OR8H2: variants seen among roughly 807,000 people sequenced by gnomAD.
OR8H2 encodes the protein olfactory receptor 8H2.
For synonymous variants in OR8H2, 157 were observed against 139.2 expected (o/e 1.13, Z -0.90); for missense variants, 374 against 371.1 (o/e 1.01, Z -0.06).
In OR8H2 at chr11:56,106,534, C is replaced by T. The variant is rs1854057899; in HGVS notation, c.*553C>T. On this transcript the variant is annotated 3_prime_UTR_variant, in exon 2 of 2. Transcript: ENST00000313503. Reference sequence around the variant, plus strand: ...CCTAAGTGCACAAGATAAATAATAACTCCAAATCTGATCAGAGGGTAGTTG... The same window carrying T: ...CCTAAGTGCACAAGATAAATAATAATTCCAAATCTGATCAGAGGGTAGTTG... The T allele has an allele frequency of 6.6e-6, 1 of 152,300 alleles. No homozygotes were observed. Among genetic ancestry groups the T allele is most frequent in the Non-Finnish European group, 1.5e-5 (1 of 68,212 alleles). 9.4% of individuals were successfully genotyped at this position (152,300 alleles called of 1,614,324 possible). A position where few individuals can be genotyped will look rare whatever the true frequency, so the allele number is the denominator to read the frequency against.
rs769171741 is a variant in OR8H2, at chr11:56,106,530, A to G, written c.*549A>G. 2.0e-4 allele frequency: 30 copies of G among 152,528 alleles called. No homozygotes were observed. Among genetic ancestry groups the G allele is most frequent in the Non-Finnish European group, 3.2e-4 (22 of 68,312 alleles). The allele number at this position is 152,528 out of a possible 1,614,324, so 9.4% of individuals were successfully genotyped here. A position where few individuals can be genotyped will look rare whatever the true frequency, so the allele number is the denominator to read the frequency against. ...CTTCCCTAAGTGCACAAGATAAATA[A>G]TAACTCCAAATCTGATCAGAGGGTA... is the stretch of plus-strand genomic sequence containing the variant. On this transcript the variant is annotated 3_prime_UTR_variant, in exon 2 of 2. Transcript: ENST00000313503.
chr11:56,106,058 T>A lies in OR8H2; in HGVS notation c.*77T>A, dbSNP rs1246307067. ...GTTGGGTATTTTCTTAGTCTCTCTA[T>A]AAAAACAATTGAATCTTTTAATTTG... is the stretch of plus-strand genomic sequence containing the variant. On this transcript the variant is annotated 3_prime_UTR_variant, in exon 2 of 2. Coordinates refer to ENST00000313503, the MANE Select transcript of OR8H2 (RefSeq NM_001386064.1). 3 of 921,068 alleles carry A rather than the reference T, an allele frequency of 3.3e-6. No homozygotes were observed. Among genetic ancestry groups the A allele is most frequent in the Non-Finnish European group, 5.0e-6 (3 of 603,984 alleles). 57.1% of individuals were successfully genotyped at this position (921,068 alleles called of 1,614,324 possible). A position where few individuals can be genotyped will look rare whatever the true frequency, so the allele number is the denominator to read the frequency against.
At chr11:56,104,514 G>A (rs1197251647) in intron 1 of OR8H2, among the ~76,000 whole-genome samples, 1 of 152,044 alleles carries the variant, frequency 6.6e-6, no homozygotes, top group Non-Finnish European at 1.5e-5. Context: ...GAATAGATCC[G>A]ACTTTGAATA....
At position 56,104,982 on chromosome 11, in the gene OR8H2, G is replaced by A. The variant is rs771250548; in HGVS notation, c.-61G>A. The A allele has an allele frequency of 6.3e-6, 9 of 1,427,294 alleles. No homozygotes were observed. Among genetic ancestry groups the A allele is most frequent in the African/African-American group, 1.4e-5 (1 of 70,280 alleles). The allele number at this position is 1,427,294 out of a possible 1,614,324, so 88.4% of individuals were successfully genotyped here. ...CTGCCTCAGCTTCTCCAGTAGCTGG[G>A]ATTACAGGCGCCCCTGCTACGTATC... On this transcript the variant is annotated 5_prime_UTR_variant, in exon 2 of 2. Coordinates refer to ENST00000313503, the MANE Select transcript of OR8H2 (RefSeq NM_001386064.1).
In OR8H2 at chr11:56,107,234, A is replaced by G. The variant is rs944054889; in HGVS notation, c.*1253A>G. The G allele has an allele frequency of 6.6e-6, 1 of 151,946 alleles. No homozygotes were observed. The highest frequency in any genetic ancestry group is 1.5e-5 in the Non-Finnish European group (1 of 67,804). 9.4% of individuals were successfully genotyped at this position (151,946 alleles called of 1,614,324 possible). A position where few individuals can be genotyped will look rare whatever the true frequency, so the allele number is the denominator to read the frequency against. On this transcript the variant is annotated 3_prime_UTR_variant, in exon 2 of 2. Transcript: ENST00000313503. ...AAAACTTCAAAAACTGGATTTCTGT[A>G]ATGTGTCAAATGTGTCAAATTGCTT... is the stretch of plus-strand genomic sequence containing the variant.
intron 1 of OR8H2, among the ~76,000 whole-genome samples, chr11:56,104,330 A>G (rs1351289921): frequency 1.3e-5 from 2 of 152,154 alleles, no homozygotes; most frequent in Non-Finnish European, 2.9e-5. Context: ...TTATTATTAA[A>G]TAATATTGGA....
At position 56,105,940 on chromosome 11, in the gene OR8H2, G is replaced by T. The variant is rs141344505; in HGVS notation, c.898G>T (p.Ala300Ser). ...TCTTAGAAACAAAGAGGTGAAAAAT[G>T]CTGTCATCAGAGTCATGCAGAGAAG... ...YSLRNKEVKN[A>S]VIRVMQRRQD... is the part of the protein sequence containing the mutation. The change falls in exon 2 of 2, where the codon GCT becomes TCT. Residue 300 changes from alanine (A) to serine (S), a missense_variant. Coordinates refer to ENST00000313503, the MANE Select transcript of OR8H2 (RefSeq NM_001386064.1). 80 of 1,603,070 alleles carry T rather than the reference G, an allele frequency of 5.0e-5. No homozygotes were observed. In the African/African-American group the frequency reaches 9.8e-4, roughly 20 times the overall value.
Position 56,106,440 on chromosome 11 carries a change from G to C in OR8H2, c.*459G>C, listed in dbSNP as rs1854056849. Reference sequence around the variant, plus strand: ...TTGGAATAAAACTTCCCAAGAATTAGATTCTAAATATGCTACATTTTTAGC... The same window carrying C: ...TTGGAATAAAACTTCCCAAGAATTACATTCTAAATATGCTACATTTTTAGC... On this transcript the variant is annotated 3_prime_UTR_variant, in exon 2 of 2. Transcript: ENST00000313503. 6.5e-6 allele frequency: 1 copy of C among 152,860 alleles called. No individual in the cohort carries two copies. The highest frequency in any genetic ancestry group is 2.4e-5 in the African/African-American group (1 of 41,430). 9.5% of individuals were successfully genotyped at this position (152,860 alleles called of 1,614,324 possible). A position where few individuals can be genotyped will look rare whatever the true frequency, so the allele number is the denominator to read the frequency against.
At position 56,105,805 on chromosome 11, in the gene OR8H2, C is replaced by G; in HGVS notation, c.763C>G (p.Leu255Val). 2 of 1,613,752 alleles carry G rather than the reference C, an allele frequency of 1.2e-6. No individual in the cohort carries two copies. Among genetic ancestry groups the G allele is most frequent in the Non-Finnish European group, 1.7e-6 (2 of 1,179,794 alleles). The change falls in exon 2 of 2, where the codon CTG becomes GTG. Residue 255 changes from leucine to valine, a missense_variant. Physicochemically the swap from Leu to Val is conservative, Grantham distance 32. Coordinates refer to ENST00000313503, the MANE Select transcript of OR8H2 (RefSeq NM_001386064.1). Reference protein sequence around the residue: ...LLGVTIFYSTLIFTYLKPRKS... With the variant: ...LLGVTIFYSTVIFTYLKPRKS... ...GGGAGTCACCATCTTTTATAGCACT[C>G]TGATTTTTACTTATTTAAAACCAAG... is the stretch of plus-strand genomic sequence containing the variant.
In OR8H2 at chr11:56,105,611, C is replaced by T; in HGVS notation, c.569C>T (p.Thr190Ile). The T allele has an allele frequency of 1.2e-6, 2 of 1,614,162 alleles. No homozygotes were observed. The highest frequency in any genetic ancestry group is 1.7e-6 in the Non-Finnish European group (2 of 1,179,998). ...DTSPILALSCTDTYNTEILIF... is the reference protein window; with the variant it reads ...DTSPILALSCIDTYNTEILIF... ...TCCCCAATTTTAGCTCTGTCCTGCA[C>T]TGATACATACAACACCGAAATCCTG... The change falls in exon 2 of 2, where the codon ACT becomes ATT. Residue 190 changes from threonine to isoleucine, a missense_variant. Physicochemically the swap from Thr to Ile is moderately conservative, Grantham distance 89. Coordinates refer to ENST00000313503, the MANE Select transcript of OR8H2 (RefSeq NM_001386064.1).
At position 56,106,759 on chromosome 11, in the gene OR8H2, A is replaced by T. The variant is rs1469772559; in HGVS notation, c.*778A>T. 2.6e-5 allele frequency: 4 copies of T among 152,022 alleles called. No individual in the cohort carries two copies. The highest frequency in any genetic ancestry group is 6.6e-5 in the Admixed American group (1 of 15,258). 9.4% of individuals were successfully genotyped at this position (152,022 alleles called of 1,614,324 possible). On this transcript the variant is annotated 3_prime_UTR_variant, in exon 2 of 2. Transcript: ENST00000313503. The stretch of plus-strand genomic sequence containing the variant: ...GAAGCAAAATATTTCAGTAGAATTA[A>T]GTTATAGAAAAATAGCCTATATTAA...
chr11:56,107,511 A>G lies in OR8H2; in HGVS notation c.*1530A>G, dbSNP rs976799771. 3 of 151,858 alleles carry G rather than the reference A, an allele frequency of 2.0e-5. No individual in the cohort carries two copies. Among genetic ancestry groups the G allele is most frequent in the African/African-American group, 7.2e-5 (3 of 41,410 alleles). 9.4% of individuals were successfully genotyped at this position (151,858 alleles called of 1,614,324 possible). On this transcript the variant is annotated 3_prime_UTR_variant, in exon 2 of 2. Coordinates refer to ENST00000313503, the MANE Select transcript of OR8H2 (RefSeq NM_001386064.1). ...TTTTCTCTTCCATATCTGGAATCAC[A>G]GTTTTGTTTTTCTCTGCTATTTAAT... is the stretch of plus-strand genomic sequence containing the variant.
In OR8H2 at chr11:56,106,022, C is replaced by T; in HGVS notation, c.*41C>T. 1 of 1,195,026 alleles carries T rather than the reference C, an allele frequency of 8.4e-7. No homozygotes were observed. The highest frequency in any genetic ancestry group is 1.2e-6 in the Non-Finnish European group (1 of 844,028). 74.0% of individuals were successfully genotyped at this position (1,195,026 alleles called of 1,614,324 possible). A position where few individuals can be genotyped will look rare whatever the true frequency, so the allele number is the denominator to read the frequency against. On this transcript the variant is annotated 3_prime_UTR_variant, in exon 2 of 2. Coordinates refer to ENST00000313503, the MANE Select transcript of OR8H2 (RefSeq NM_001386064.1). ...TGCTGAACATTTAAACTCATCTTTT[C>T]TTTCATTCCTGTTGGGTATTTTCTT...
Position 56,105,536 on chromosome 11 carries a change from G to T in OR8H2, c.494G>T (p.Arg165Ile), listed in dbSNP as rs1165144059. The T allele has an allele frequency of 1.2e-6, 2 of 1,614,190 alleles. No homozygotes were observed. Among genetic ancestry groups the T allele is most frequent in the African/African-American group, 2.7e-5 (2 of 75,046 alleles). Residue 165 changes from arginine to isoleucine, a missense_variant, in exon 2 of 2, where the codon AGA becomes ATA. Transcript: ENST00000313503. ...DSFVNVVSMS[R>I]LHFYDSNVIH... ...TTTGTCAACGTGGTTTCCATGAGCAGATTGCATTTCTACGACTCAAACGTA... is the reference window on the plus strand; with the variant it reads ...TTTGTCAACGTGGTTTCCATGAGCATATTGCATTTCTACGACTCAAACGTA...
Position 56,105,716 on chromosome 11 carries a change from T to A in OR8H2, c.674T>A (p.Ile225Asn), listed in dbSNP as rs1042114562. 2 of 1,613,992 alleles carry A rather than the reference T, an allele frequency of 1.2e-6. No individual in the cohort carries two copies. The highest frequency in any genetic ancestry group is 1.3e-5 in the African/African-American group (1 of 74,944). ...SASYVFILFT[I>N]LKINSTSGKQ... is the part of the protein sequence containing the mutation. Reference sequence around the variant, plus strand: ...TCCTATGTGTTCATTCTCTTTACCATCCTGAAAATTAATTCCACTTCAGGA... The same window carrying A: ...TCCTATGTGTTCATTCTCTTTACCAACCTGAAAATTAATTCCACTTCAGGA... The change falls in exon 2 of 2, where the codon ATC (isoleucine) becomes AAC (asparagine). Residue 225 changes from isoleucine to asparagine, a missense_variant. Coordinates refer to ENST00000313503, the MANE Select transcript of OR8H2 (RefSeq NM_001386064.1).
In OR8H2 at chr11:56,106,332, G is replaced by C. The variant is rs1371491314; in HGVS notation, c.*351G>C. The C allele has an allele frequency of 6.2e-6, 1 of 161,368 alleles. No homozygotes were observed. Among genetic ancestry groups the C allele is most frequent in the Admixed American group, 6.2e-5 (1 of 16,056 alleles). 10.0% of individuals were successfully genotyped at this position (161,368 alleles called of 1,614,324 possible). ...AAATTTATTATGGAAAGAACTATTTGGGACACAATGATAATAGTTTTAGAT... is the reference window on the plus strand; with the variant it reads ...AAATTTATTATGGAAAGAACTATTTCGGACACAATGATAATAGTTTTAGAT... On this transcript the variant is annotated 3_prime_UTR_variant, in exon 2 of 2. Coordinates refer to ENST00000313503, the MANE Select transcript of OR8H2 (RefSeq NM_001386064.1).
At position 56,107,261 on chromosome 11, in the gene OR8H2, T is replaced by G. The variant is rs1324009551; in HGVS notation, c.*1280T>G. ...TGTGTCAAATGTGTCAAATTGCTTC[T>G]TTGTTAAAATCCTGTGTGTTTTTAA... On this transcript the variant is annotated 3_prime_UTR_variant, in exon 2 of 2. Coordinates refer to ENST00000313503, the MANE Select transcript of OR8H2 (RefSeq NM_001386064.1). The G allele has an allele frequency of 6.6e-6, 1 of 151,998 alleles. No homozygotes were observed. The highest frequency in any genetic ancestry group is 1.5e-5 in the Non-Finnish European group (1 of 67,832). 9.4% of individuals were successfully genotyped at this position (151,998 alleles called of 1,614,324 possible). A position where few individuals can be genotyped will look rare whatever the true frequency, so the allele number is the denominator to read the frequency against.
chr11:56,105,537 A>T lies in OR8H2; in HGVS notation c.495A>T (p.Arg165Ser), dbSNP rs61734399. The change falls in exon 2 of 2, where the codon AGA becomes AGT. Residue 165 changes from arginine (R) to serine (S), a missense_variant. By Grantham distance (110) the Arg-to-Ser change is moderately radical. Transcript: ENST00000313503. ...TTGTCAACGTGGTTTCCATGAGCAGATTGCATTTCTACGACTCAAACGTAA... is the reference window on the plus strand; with the variant it reads ...TTGTCAACGTGGTTTCCATGAGCAGTTTGCATTTCTACGACTCAAACGTAA... ...DSFVNVVSMS[R>S]LHFYDSNVIH... 9,916 of 1,614,166 alleles carry T rather than the reference A, an allele frequency of 6.1e-3. 532 individuals are homozygous for T. The African/African-American group carries it at 0.12, about 19-fold the overall frequency.
chr11:56,104,078 A>T (rs1346330953), intron 1 of OR8H2, 91 bp downstream of exon 1: 3 of 152,096 alleles, frequency 2.0e-5, no homozygotes, highest in Non-Finnish European at 4.4e-5. Flanking sequence ...ATATATTAAT[A>T]CATACACATA....
Sources: gnomAD v4.1 joint callset for allele counts (sites outside exome capture counted in the v4.1 genomes callset) on GRCh38, gnomAD v4.1.1 for gene constraint, MANE v1.5 for transcripts, NCBI Gene and HGNC (gene_info 2026-07-23, HGNC 2026-07-21) for gene names.